Variants in SLC43A3 observed in about 807,000 individuals in gnomAD.
The protein encoded by SLC43A3 is solute carrier family 43 member 3.
A neutral mutation model predicts 53.3 loss-of-function variants in SLC43A3; 33 were observed. The observed-to-expected ratio is 0.62, with a 90% CI of 0.47 to 0.83. The LOEUF is 0.83. SLC43A3 is among the 40% of genes least tolerant of loss of function. The pLI is 0.00. For missense variants in SLC43A3, 530 were observed against 610.0 expected, an observed-to-expected ratio of 0.87 and a Z score of 1.38; for synonymous variants, 236 against 246.2, an observed-to-expected ratio of 0.96 and a Z score of 0.39.
Position 57,423,997 on chromosome 11 carries a change from C to A in SLC43A3, c.346G>T (p.Ala116Ser). Residue 116 changes from alanine (A) to serine (S), a missense_variant, in exon 5 of 14, where the codon GCC becomes TCC. Ala to Ser is a moderately conservative substitution (Grantham distance 99). Coordinates refer to ENST00000395124, the MANE Select transcript of SLC43A3 (RefSeq NM_199329.3). ...FFYTTATLII[A>S]FTSAGSAVLL... ...CAGCACTCACCTGCAGAGGTGAAGG[C>A]TATGATGAGTGTGGCGGTGGTGTAG... The A allele has an allele frequency of 6.2e-7, 1 of 1,614,174 alleles. No individual in the cohort carries two copies.
At chr11:57,425,934 GCCACCA>G in intron 3 of SLC43A3, 49 bp downstream of exon 3, 1 of 1,557,220 alleles carries the variant, frequency 6.4e-7, no homozygotes, top group South Asian at 1.2e-5. Context: ...CCTGCTCCTT[GCCACCA>G]CGTGGGAGCC....
At chr11:57,421,413 C>A in intron 5 of SLC43A3, 40 bp from the exon 6 acceptor site, 3 of 1,493,950 alleles carry the variant, frequency 2.0e-6, no homozygotes, top group Non-Finnish European at 2.8e-6. Flanking sequence ...TGTCATAGTG[C>A]AACCCAAACA....
At chr11:57,425,764 C>T (rs72923982) in intron 3 of SLC43A3, 94 bp from the exon 4 acceptor site, 28,075 of 1,561,710 alleles carry the variant, frequency 0.018, 295 homozygotes, top group Non-Finnish European at 0.021. Flanking sequence ...GCTTGTCGGT[C>T]GCAAACTTGT....
intron 11 of SLC43A3, among the ~76,000 whole-genome samples, chr11:57,411,189 T>C (rs1256366042): frequency 6.6e-6 from 1 of 152,204 alleles, no homozygotes. Flanking sequence ...TTCACAGTTT[T>C]ACCTTTGGGA....
intron 5 of SLC43A3, among the ~76,000 whole-genome samples, chr11:57,423,071 A>G (rs748223894): frequency 5.9e-5 from 9 of 152,210 alleles, no homozygotes; most frequent in Non-Finnish European, 1.2e-4. Context: ...AACCAAGGCA[A>G]TGACAGAAAG....
Position 57,411,674 on chromosome 11 carries a change from A to G in SLC43A3, c.1061-1553T>C, listed in dbSNP as rs1481178303. ...AGTGAGACCTCATCCCTAAAAATAA[A>G]GAAGAAAATATGGCAATTTGACTGT... is the stretch of plus-strand genomic sequence containing the variant. On this transcript the variant is annotated intron_variant, in intron 11 of 13. Coordinates refer to ENST00000395124, the MANE Select transcript of SLC43A3 (RefSeq NM_199329.3). Among the ~76,000 whole-genome samples, 3 of 151,986 alleles carry G rather than the reference A, an allele frequency of 2.0e-5. No individual in the cohort carries two copies. In the East Asian group the frequency reaches 5.8e-4, roughly 29 times the overall value.
Position 57,407,880 on chromosome 11 carries a change from A to G in SLC43A3, c.1388T>C (p.Met463Thr), listed in dbSNP as rs765916173. 12 of 1,612,060 alleles carry G rather than the reference A, an allele frequency of 7.4e-6. No homozygotes were observed. Among genetic ancestry groups the G allele is most frequent in the East Asian group, 2.2e-5 (1 of 44,882 alleles). ...NDPFYVNVMF[M>T]LAILLTFFHP... ...GAAGAATGTCAGAAGAATGGCAAGC[A>G]TGAACATCACATTCACCTGCAGGGA... The change falls in exon 14 of 14, where the codon ATG becomes ACG. Residue 463 changes from methionine to threonine, a missense_variant. Met to Thr is a moderately conservative substitution (Grantham distance 81). Transcript: ENST00000395124.
At chr11:57,411,020 C>A (rs1192858511) in intron 11 of SLC43A3, among the ~76,000 whole-genome samples, 2 of 152,090 alleles carry the variant, frequency 1.3e-5, no homozygotes, top group African/African-American at 4.8e-5. Flanking sequence ...TCTTCCCAGT[C>A]TCAGATAGGT....
Position 57,407,812 on chromosome 11 carries a change from T to C in SLC43A3, c.1456A>G (p.Ser486Gly), listed in dbSNP as rs1284752021. The C allele has an allele frequency of 1.9e-6, 3 of 1,611,796 alleles. No homozygotes were observed. The East Asian group carries it at 6.7e-5, about 36-fold the overall frequency. Residue 486 changes from serine to glycine, a missense_variant, in exon 14 of 14, where the codon AGT becomes GGT. Ser to Gly is a moderately conservative substitution (Grantham distance 56). Transcript: ENST00000395124. Reference sequence around the variant, plus strand: ...CTGAACTATGCAATTGCAGAGGGACTTTCTTTCCAAGTACGGCATTCCCGA... The same window carrying C: ...CTGAACTATGCAATTGCAGAGGGACCTTCTTTCCAAGTACGGCATTCCCGA... ...VYRECRTWKE[S>G]PSAIA
intron 11 of SLC43A3, among the ~76,000 whole-genome samples, chr11:57,413,198 C>T (rs946462937): frequency 3.5e-4 from 54 of 152,150 alleles, no homozygotes; most frequent in African/African-American, 1.3e-3. Flanking sequence ...GGGAAATGAC[C>T]CAGTTTCTTC....
intron 7 of SLC43A3, among the ~76,000 whole-genome samples, 155 bp from the exon 8 acceptor site, chr11:57,418,042 TAAAAAAG>T (rs1942801776): frequency 6.6e-6 from 1 of 152,080 alleles, no homozygotes; most frequent in African/African-American, 2.4e-5. Flanking sequence ...TATTCAGCCT[TAAAAAAG>T]GAAAGAGGCA....
At chr11:57,410,426 C>T (rs534000178) in intron 11 of SLC43A3, among the ~76,000 whole-genome samples, 3 of 152,006 alleles carry the variant, frequency 2.0e-5, no homozygotes, top group South Asian at 4.2e-4. Flanking sequence ...TGACAGGCTA[C>T]ACATCTGCCC....
At position 57,426,194 on chromosome 11, in the gene SLC43A3, T is replaced by C. The variant is rs1943193397; in HGVS notation, c.-22A>G. On this transcript the variant is annotated 5_prime_UTR_variant, in exon 3 of 14. Transcript: ENST00000395124. ...CCATGAGCAGAAGTGGAGTGGATCTTCAAATCCCACTTTGTCCTCCTGGAC... is the reference window on the plus strand; with the variant it reads ...CCATGAGCAGAAGTGGAGTGGATCTCCAAATCCCACTTTGTCCTCCTGGAC... The C allele has an allele frequency of 6.2e-7, 1 of 1,612,042 alleles. No homozygotes were observed. Among genetic ancestry groups the C allele is most frequent in the African/African-American group, 1.3e-5 (1 of 75,004 alleles).
intron 5 of SLC43A3, among the ~76,000 whole-genome samples, chr11:57,422,993 T>G (rs1386919569): frequency 1.3e-5 from 2 of 152,324 alleles, no homozygotes; most frequent in South Asian, 4.1e-4. Context: ...CTTTCTTTCC[T>G]AAACCAAAAA....
At chr11:57,420,358 T>C (rs1942929525) in intron 7 of SLC43A3, among the ~76,000 whole-genome samples, 1 of 152,230 alleles carries the variant, frequency 6.6e-6, no homozygotes, top group African/African-American at 2.4e-5. Context: ...GACCTCCACC[T>C]ATCACTAGCA....
Position 57,425,542 on chromosome 11 carries a change from T to C in SLC43A3, c.313A>G (p.Ile105Val), listed in dbSNP as rs527797822. 115 of 1,613,082 alleles carry C rather than the reference T, an allele frequency of 7.1e-5. No homozygotes were observed. The South Asian group carries it at 1.2e-3, about 17-fold the overall frequency. The change falls in exon 4 of 14, where the codon ATA becomes GTA. Residue 105 changes from isoleucine to valine, a missense_variant and splice_region_variant. Around this residue, in one of 3 missense-constraint regions of SLC43A3, gnomAD observed 376 missense variants for 386.7 expected, o/e 0.97. Coordinates refer to ENST00000395124, the MANE Select transcript of SLC43A3 (RefSeq NM_199329.3). ...FKTTVARLIA[I>V]FFYTTATLII... ...CCTGGGCTGGCCTTTGGGACTTACA[T>C]GGCTATGAGGCGTGCCACGGTGGTC...
chr11:57,425,900 G>A, intron 3 of SLC43A3, 89 bp downstream of exon 3: 1 of 1,396,242 alleles, frequency 7.2e-7, no homozygotes, highest in South Asian at 1.3e-5. Flanking sequence ...ATAGAAAGAG[G>A]GGTGGGCAGG....
intron 7 of SLC43A3, among the ~76,000 whole-genome samples, chr11:57,420,509 G>C (rs933931822): frequency 2.6e-5 from 4 of 152,170 alleles, no homozygotes; most frequent in Non-Finnish European, 5.9e-5. Context: ...CTTGGCAACA[G>C]TTCATCCCCT....
In SLC43A3 at chr11:57,415,235, C is replaced by G. The variant is rs143056589; in HGVS notation, c.770-129G>C. On this transcript the variant is annotated intron_variant, in intron 9 of 13. Coordinates refer to ENST00000395124, the MANE Select transcript of SLC43A3 (RefSeq NM_199329.3). ...TCTACCCTTGGCTCCCAGAACTCAC[C>G]CGGCGTGCTCTGCACCTGCCTCGGA... 64 of 1,540,270 alleles carry G rather than the reference C, an allele frequency of 4.2e-5. No individual in the cohort carries two copies. In the African/African-American group the frequency reaches 6.4e-4, roughly 15 times the overall value.
Sources: allele counts gnomAD v4.1 joint callset (sites outside exome capture counted in the v4.1 genomes callset), GRCh38; gene constraint gnomAD v4.1.1; regional missense constraint gnomAD v4.1.1; transcripts MANE v1.5; gene names NCBI Gene and HGNC (gene_info 2026-07-23, HGNC 2026-07-21).